LY9: variants seen among roughly 807,000 people sequenced by gnomAD.
LY9 encodes lymphocyte antigen 9.
Under a neutral mutation model 64.6 loss-of-function variants are expected in LY9, and 59 were observed. That is an observed-to-expected ratio of 0.91 (90% CI 0.74 to 1.13). The LOEUF is 1.13. Among genes scored for constraint, LY9 ranks in the 50% most tolerant of loss-of-function variants. The pLI, the probability that LY9 is intolerant of heterozygous loss-of-function variation, is 0.00. For missense variants in LY9, 789 were observed against 797.2 expected (o/e 0.99, Z 0.12); for synonymous variants, 281 against 308.5 (o/e 0.91, Z 0.93).
At position 160,801,230 on chromosome 1, in the gene LY9, G is replaced by A. The variant is rs1344407536; in HGVS notation, c.454+1148G>A. On this transcript the variant is annotated intron_variant, in intron 2 of 9. Coordinates refer to ENST00000263285, the MANE Select transcript of LY9 (RefSeq NM_002348.4). ...TTTCTCCACATCCTGCCAACATGTG[G>A]TTAGTGTTTAAATAACAGCCATTCT... 4.6e-5 allele frequency among the ~76,000 whole-genome samples: 7 copies of A among 152,052 alleles called. No homozygotes were observed. In the East Asian group the frequency reaches 9.7e-4, roughly 21 times the overall value.
chr1:160,824,103 C>G, intron 8 of LY9, 78 bp from the exon 9 acceptor site: 1 of 1,563,170 alleles, frequency 6.4e-7, no homozygotes, highest in Non-Finnish European at 8.8e-7. Flanking sequence ...GGGGTATCCC[C>G]TCTCCTCAAG....
chr1:160,800,643 C>CA (rs1242761632), intron 2 of LY9, among the ~76,000 whole-genome samples: 3 of 152,154 alleles, frequency 2.0e-5, no homozygotes, highest in Non-Finnish European at 2.9e-5. Flanking sequence ...GTGCACCCAT[C>CA]ACCCAAAGAG....
intron 2 of LY9, among the ~76,000 whole-genome samples, chr1:160,809,563 T>C (rs1054714938): frequency 1.3e-5 from 2 of 152,106 alleles, no homozygotes; most frequent in African/African-American, 4.8e-5. Flanking sequence ...GTTCTCACTA[T>C]GTTGCCCAGG....
chr1:160,800,274 A>G, intron 2 of LY9, 192 bp downstream of exon 2: 1 of 570,368 alleles, frequency 1.8e-6, no homozygotes, highest in Non-Finnish European at 3.1e-6. Context: ...CAAAAATTGA[A>G]TTGATTTTCT....
intron 2 of LY9, among the ~76,000 whole-genome samples, chr1:160,808,548 A>G (rs541507575): frequency 8.4e-4 from 128 of 152,256 alleles, no homozygotes; most frequent in Non-Finnish European, 1.6e-3. Flanking sequence ...CCAGGACTGC[A>G]TGATTCTGCA....
At chr1:160,823,159 C>T (rs1004439086) in intron 7 of LY9, among the ~76,000 whole-genome samples, 2 of 152,214 alleles carry the variant, frequency 1.3e-5, no homozygotes, top group Non-Finnish European at 2.9e-5. Flanking sequence ...TCTAATTTAC[C>T]TTTGTGTTTC....
chr1:160,807,964 C>T (rs1410852908), intron 2 of LY9, among the ~76,000 whole-genome samples: 3 of 152,176 alleles, frequency 2.0e-5, no homozygotes, highest in South Asian at 4.1e-4. Context: ...ATCCTCAGGC[C>T]CCAGGCAGAG....
intron 2 of LY9, 96 bp downstream of exon 2, chr1:160,800,178 G>A (rs918654082): frequency 7.9e-6 from 7 of 883,200 alleles, no homozygotes; most frequent in African/African-American, 1.7e-5. Context: ...TGTATATAGT[G>A]CATACTGATC....
Position 160,816,823 on chromosome 1 carries a change from CAGG to C in LY9, c.1305_1307del (p.Arg435del). On this transcript the variant is annotated inframe_deletion, in exon 5 of 10. Transcript: ENST00000263285. The stretch of plus-strand genomic sequence containing the variant: ...CATGCACAGCCAGCAACCCTGTCAG[CAGG>C]AGTTCCCACCAGTTTCTTTCTGAGA... 2 of 1,614,228 alleles carry C rather than the reference CAGG, an allele frequency of 1.2e-6. No homozygotes were observed. The highest frequency in any genetic ancestry group is 1.7e-6 in the Non-Finnish European group (2 of 1,180,040).
intron 2 of LY9, 112 bp from the exon 3 acceptor site, chr1:160,813,512 TGCGACAGGTAAC>T: frequency 1.1e-6 from 1 of 892,668 alleles, no homozygotes; most frequent in Admixed American, 2.6e-5. Flanking sequence ...AAGATGTCCC[TGCGACAGGTAAC>T]GCTGGCCTCT....
At position 160,802,451 on chromosome 1, in the gene LY9, C is replaced by G; in HGVS notation, c.454+2369C>G. On this transcript the variant is annotated intron_variant, in intron 2 of 9. Transcript: ENST00000263285. ...GAGCTGGGATCCCCGGGATGCAGGC[C>G]CACAGTGCGGGGCTGCACCCATGAT... The G allele has an allele frequency of 3.0e-6, 3 of 986,268 alleles. 1 individual carries two copies. Among genetic ancestry groups the G allele is most frequent in the Non-Finnish European group, 1.2e-6 (1 of 830,414 alleles). The allele number at this position is 986,268 out of a possible 1,614,324, so 61.1% of individuals were successfully genotyped here.
chr1:160,807,261 G>T (rs1342872336), intron 2 of LY9, among the ~76,000 whole-genome samples: 2 of 152,130 alleles, frequency 1.3e-5, no homozygotes, highest in African/African-American at 4.8e-5. Context: ...TGTTGTTGGG[G>T]TAGGGCACTC....
chr1:160,809,180 G>T (rs1408786134), intron 2 of LY9, among the ~76,000 whole-genome samples: 1 of 145,770 alleles, frequency 6.9e-6, no homozygotes, highest in Non-Finnish European at 1.5e-5. Flanking sequence ...TGAATCTAAT[G>T]GTATATGCAT....
intron 1 of LY9, among the ~76,000 whole-genome samples, chr1:160,797,835 A>G (rs1666036491): frequency 6.8e-6 from 1 of 146,846 alleles, no homozygotes; most frequent in East Asian, 2.0e-4. Flanking sequence ...GCATCATGCA[A>G]CACTCTTACA....
rs1413258888 is a variant in LY9, at chr1:160,814,636, CCAGCCAGGACTGCTCCCTGAAGAT to C, written c.955_978del (p.Asp319_Gln326del). ...CCTTACAAGAACAGGGTGTGGGTCT[CCAGCCAGGACTGCTCCCTGAAGAT>C]CAGCCAGCTGAAGATAGAGGACGCC... On this transcript the variant is annotated inframe_deletion, in exon 4 of 10. Coordinates refer to ENST00000263285, the MANE Select transcript of LY9 (RefSeq NM_002348.4). The C allele has an allele frequency of 6.2e-7, 1 of 1,614,028 alleles. No individual in the cohort carries two copies. Among genetic ancestry groups the C allele is most frequent in the Non-Finnish European group, 8.5e-7 (1 of 1,180,030 alleles).
chr1:160,799,572 T>A, intron 1 of LY9, 181 bp from the exon 2 acceptor site: 1 of 563,878 alleles, frequency 1.8e-6, no homozygotes. Context: ...GGAGACAGTG[T>A]TTGGGGAATG....
chr1:160,827,609 C>T (rs994285227), intron 9 of LY9, 139 bp from the exon 10 acceptor site: 12 of 589,420 alleles, frequency 2.0e-5, no homozygotes, highest in African/African-American at 3.8e-5. Context: ...TGGTTGATTG[C>T]GCCATCCCTG....
chr1:160,824,830 A>T (rs2101839797), intron 9 of LY9: 1 of 185,412 alleles, frequency 5.4e-6, no homozygotes, highest in African/African-American at 2.4e-5. Flanking sequence ...ATACAAAAAA[A>T]ATTAGCCAGG....
chr1:160,816,706 A>G lies in LY9; in HGVS notation c.1185A>G (p.Thr395=). Reference sequence around the variant, plus strand: ...ACGGGGGAAACACTGTCATGTACACATGGACCCCGCTGCAGAAGGAAGCTG... The same window carrying G: ...ACGGGGGAAACACTGTCATGTACACGTGGACCCCGCTGCAGAAGGAAGCTG... ...VEDGGNTVMY[T]WTPLQKEAVV... The change falls in exon 5 of 10, where the codon ACA becomes ACG. Residue 395 remains threonine (T), a synonymous_variant. Transcript: ENST00000263285. 6.2e-7 allele frequency: 1 copy of G among 1,614,226 alleles called. No individual in the cohort carries two copies. The highest frequency in any genetic ancestry group is 8.5e-7 in the Non-Finnish European group (1 of 1,180,038).
Sources: allele counts gnomAD v4.1 joint callset (sites outside exome capture counted in the v4.1 genomes callset), GRCh38; gene constraint gnomAD v4.1.1; transcripts MANE v1.5; gene names NCBI Gene and HGNC (gene_info 2026-07-23, HGNC 2026-07-21).